The following PEX6 variants were observed in gnomAD, a reference collection of about 807,000 sequenced individuals.
PEX6 encodes peroxisome biogenesis factor 6.
Under a neutral mutation model 85.6 loss-of-function variants are expected in PEX6, and 55 were observed. That is an observed-to-expected ratio of 0.64 (90% CI 0.52 to 0.80). The LOEUF (loss-of-function observed/expected upper bound fraction) is 0.80, where lower values mean the gene tolerates loss of function less well. PEX6 is among the 30% of genes least tolerant of loss of function. PEX6 has a pLI of 0.00. For missense variants in PEX6, 1,099 were observed against 1,260.3 expected, an observed-to-expected ratio of 0.87 and a Z score of 1.94; for synonymous variants, 519 against 549.1, an observed-to-expected ratio of 0.95 and a Z score of 0.77.
chr6:42,973,999 A>G lies in PEX6; in HGVS notation c.1130+4T>C, dbSNP rs1402685126. The G allele has an allele frequency of 1.2e-6, 2 of 1,609,084 alleles. No homozygotes were observed. The highest frequency in any genetic ancestry group is 2.2e-5 in the South Asian group (2 of 91,006). On this transcript the variant is annotated splice_donor_region_variant and intron_variant, in intron 3 of 16. Transcript: ENST00000304611. ...CAGCTGTAGGACAGAAGGCAGCTGCATACCTGGGCAGTTTCTCTGGACTTC... is the reference window on the plus strand; with the variant it reads ...CAGCTGTAGGACAGAAGGCAGCTGCGTACCTGGGCAGTTTCTCTGGACTTC...
At chr6:42,975,636 T>C (rs1485583572) in intron 1 of PEX6, among the ~76,000 whole-genome samples, 3 of 152,180 alleles carry the variant, frequency 2.0e-5, no homozygotes, top group Non-Finnish European at 4.4e-5. Flanking sequence ...GCATGTGCTA[T>C]TGAGCACTTG....
intron 2 of PEX6, among the ~76,000 whole-genome samples, chr6:42,974,442 G>GTTT (rs71855084): frequency 3.4e-5 from 4 of 115,978 alleles, no homozygotes; most frequent in East Asian, 2.5e-4. Context: ...TGTCTGAAAT[G>GTTT]TTTTTTTTGT....
intron 2 of PEX6, among the ~76,000 whole-genome samples, chr6:42,974,466 T>G (rs1023977510): frequency 2.1e-4 from 29 of 140,072 alleles, no homozygotes; most frequent in South Asian, 1.7e-3. Flanking sequence ...TTTTTTTTTT[T>G]TTTTTTTTTG....
Position 42,964,987 on chromosome 6 carries a change from T to C in PEX6, c.2667-58A>G, listed in dbSNP as rs1250598129. 1 of 1,613,370 alleles carries C rather than the reference T, an allele frequency of 6.2e-7. No individual in the cohort carries two copies. Among genetic ancestry groups the C allele is most frequent in the African/African-American group, 1.3e-5 (1 of 74,930 alleles). ...CATCACCTCCTCCCTCGAAAGCCAG[T>C]GCTGACCAGCTCATCCTGCATGTTG... On this transcript the variant is annotated intron_variant, in intron 15 of 16. Coordinates refer to ENST00000304611, the MANE Select transcript of PEX6 (RefSeq NM_000287.4). This position sits in a 1 kb window ranked among gnomAD's most constrained non-coding sequence, Gnocchi z 4.6.
At chr6:42,968,572 A>T in intron 6 of PEX6, 74 bp from the exon 7 acceptor site, 1 of 1,343,162 alleles carries the variant, frequency 7.4e-7, no homozygotes, top group Non-Finnish European at 1.0e-6. Flanking sequence ...GGGGAGGAGG[A>T]GGTGGAAGAT....
Position 42,964,227 on chromosome 6 carries a change from G to A in PEX6, c.*108C>T, listed in dbSNP as rs1470954713. The A allele has an allele frequency of 1.5e-6, 2 of 1,379,096 alleles. No individual in the cohort carries two copies. The highest frequency in any genetic ancestry group is 2.0e-6 in the Non-Finnish European group (2 of 978,160). The allele number at this position is 1,379,096 out of a possible 1,614,324, so 85.4% of individuals were successfully genotyped here. A position where few individuals can be genotyped will look rare whatever the true frequency, so the allele number is the denominator to read the frequency against. The stretch of plus-strand genomic sequence containing the variant: ...ATCTCCTGGAGGGAGGTGGCCTCCA[G>A]GTGGGTTGGCAGCAGCCTGAGGAGG... On this transcript the variant is annotated 3_prime_UTR_variant, in exon 17 of 17. Transcript: ENST00000304611. The surrounding 1 kb of genome is among the most constrained non-coding windows in gnomAD (Gnocchi z 4.6).
chr6:42,963,928 A>AC lies in PEX6; in HGVS notation c.*406dup, dbSNP rs1337528389. On this transcript the variant is annotated 3_prime_UTR_variant, in exon 17 of 17. Transcript: ENST00000304611. ...GAAGGATCAGGCTCCCATGCTGCCC[A>AC]CCCCCCCACCCTCTCCCAGGGCTTA... 107 of 375,232 alleles carry AC rather than the reference A, an allele frequency of 2.9e-4. No individual in the cohort carries two copies. Among genetic ancestry groups the AC allele is most frequent in the African/African-American group, 4.1e-4 (12 of 29,278 alleles). 23.2% of individuals were successfully genotyped at this position (375,232 alleles called of 1,614,324 possible).
At position 42,964,874 on chromosome 6, in the gene PEX6, G is replaced by T; in HGVS notation, c.2722C>A (p.Gln908Lys). The T allele has an allele frequency of 6.2e-7, 1 of 1,614,146 alleles. No homozygotes were observed. The highest frequency in any genetic ancestry group is 8.5e-7 in the Non-Finnish European group (1 of 1,180,014). ...GAGTAGAGGTCCGCGCCCGTCAGCT[G>T]GGGAGGGCAGCAATCTAGCACGTTT... is the stretch of plus-strand genomic sequence containing the variant. ...LVNVLDCCPP[Q>K]LTGADLYSLC... The change falls in exon 16 of 17, where the codon CAG becomes AAG. Residue 908 changes from glutamine to lysine, a missense_variant. Physicochemically the swap from Gln to Lys is moderately conservative, Grantham distance 53 (BLOSUM62 1). Transcript: ENST00000304611. This position sits in a 1 kb window ranked among gnomAD's most constrained non-coding sequence, Gnocchi z 4.6.
intron 1 of PEX6, among the ~76,000 whole-genome samples, chr6:42,977,251 CTTTTTTTTTTT>C (rs1554128216): frequency 7.9e-6 from 1 of 126,678 alleles, no homozygotes; most frequent in African/African-American, 3.2e-5. Flanking sequence ...TGAAACCTCA[CTTTTTTTTTTT>C]TTTTTTTTTA....
intron 1 of PEX6, among the ~76,000 whole-genome samples, chr6:42,976,674 T>C (rs1480330217): frequency 6.6e-6 from 1 of 152,022 alleles, no homozygotes; most frequent in Non-Finnish European, 1.5e-5. Flanking sequence ...TTTTTTTTTT[T>C]ACACAATGAA....
In PEX6 at chr6:42,978,493, C is replaced by T. The variant is rs1171786418; in HGVS notation, c.658G>A (p.Gly220Ser). ...SCLRGLGLFQ[G>S]EWVWVAQARE... ...GCCTGGGCCACCCACACCCATTCGC[C>T]CTGGAAGAGGCCAAGGCCACGGAGA... Residue 220 changes from glycine to serine, a missense_variant, in exon 1 of 17, where the codon GGC (glycine) becomes AGC (serine). This residue lies in a region of PEX6 where 579 missense variants were observed against 611.6 expected (regional missense o/e 0.95). Coordinates refer to ENST00000304611, the MANE Select transcript of PEX6 (RefSeq NM_000287.4). 8.1e-6 allele frequency: 13 copies of T among 1,614,208 alleles called. No individual in the cohort carries two copies. The highest frequency in any genetic ancestry group is 1.1e-5 in the Non-Finnish European group (13 of 1,180,046).
chr6:42,966,198 C>T lies in PEX6; in HGVS notation c.2300+44G>A, dbSNP rs1031716463. The T allele has an allele frequency of 5.0e-6, 8 of 1,609,608 alleles. No homozygotes were observed. In the African/African-American group the frequency reaches 8.0e-5, roughly 16 times the overall value. ...GCCCCTCCTGCTCCCCAGCCTGCTG[C>T]AGCCCCTGATCCACCCACCATCCCT... On this transcript the variant is annotated intron_variant, in intron 11 of 16. Coordinates refer to ENST00000304611, the MANE Select transcript of PEX6 (RefSeq NM_000287.4).
In PEX6 at chr6:42,965,574, C is replaced by A. The variant is rs1414845520; in HGVS notation, c.2471+107G>T. On this transcript the variant is annotated intron_variant, in intron 13 of 16. Transcript: ENST00000304611. The surrounding 1 kb of genome is among the most constrained non-coding windows in gnomAD (Gnocchi z 5.0). ...CAGCTTCCATTATATTATCTCAGAA[C>A]TGAAACAGCAGGAACTTCTATCTCT... The A allele has an allele frequency of 4.2e-6, 4 of 957,344 alleles. No homozygotes were observed. Among genetic ancestry groups the A allele is most frequent in the Non-Finnish European group, 6.9e-6 (4 of 581,890 alleles). 59.3% of individuals were successfully genotyped at this position (957,344 alleles called of 1,614,324 possible).
rs187435179 is a variant in PEX6 at position 42,965,309 on chromosome 6, A to G, written c.2531T>C (p.Val844Ala). 399 of 1,614,208 alleles carry G rather than the reference A, an allele frequency of 2.5e-4. 2 individuals carry two copies. In the East Asian group the frequency reaches 8.1e-3, roughly 33 times the overall value. The change falls in exon 14 of 17, where the codon GTG (valine) becomes GCG (alanine). Residue 844 changes from valine (V) to alanine (A), a missense_variant. Physicochemically the swap from Val to Ala is moderately conservative, Grantham distance 64 (BLOSUM62 0). Transcript: ENST00000304611. This position sits in a 1 kb window ranked among gnomAD's most constrained non-coding sequence, Gnocchi z 5.0. ...ATCTGGTCTGTTGGTGGCTCCAATC[A>G]CAAACACATCCTGAGTGCTGTGCAG... ...DGLHSTQDVFVIGATNRPDLL... is the reference protein window; with the variant it reads ...DGLHSTQDVFAIGATNRPDLL...
intron 3 of PEX6, among the ~76,000 whole-genome samples, chr6:42,973,060 G>A (rs184305177): frequency 6.6e-6 from 1 of 152,228 alleles, no homozygotes; most frequent in East Asian, 1.9e-4. Flanking sequence ...CACCCAGGCT[G>A]GAGAGCAGTG....
rs2114242678 is a variant in PEX6, at chr6:42,967,487, G to A, written c.1765C>T (p.His589Tyr). Residue 589 changes from histidine to tyrosine, a missense_variant, in exon 8 of 17, where the codon CAT becomes TAT. By Grantham distance (83) the His-to-Tyr change is moderately conservative. Around this residue, in one of 3 missense-constraint regions of PEX6, gnomAD observed 514 missense variants for 627.0 expected, o/e 0.82. Transcript: ENST00000304611. ...LPADVQTAFP[H>Y]ELEVPALSEG... Reference sequence around the variant, plus strand: ...GACAGAGCAGGCACCTCGAGCTCATGAGGAAATGCTGTCTGCACATCAGCA... The same window carrying A: ...GACAGAGCAGGCACCTCGAGCTCATAAGGAAATGCTGTCTGCACATCAGCA... The A allele has an allele frequency of 6.2e-7, 1 of 1,610,808 alleles. No individual in the cohort carries two copies. The highest frequency in any genetic ancestry group is 1.1e-5 in the South Asian group (1 of 90,188).
chr6:42,975,181 A>G (rs774792152), intron 1 of PEX6, 143 bp from the exon 2 acceptor site: 48 of 738,074 alleles, frequency 6.5e-5, no homozygotes, highest in Non-Finnish European at 1.1e-4. Flanking sequence ...GAGGTAGCAG[A>G]CCTGAAAACC....
intron 3 of PEX6, 119 bp from the exon 4 acceptor site, chr6:42,970,106 A>T: frequency 1.3e-6 from 1 of 791,986 alleles, no homozygotes; most frequent in Non-Finnish European, 2.2e-6. Context: ...GTCCCGAGTC[A>T]TGGTGGGGAA....
At chr6:42,966,178 T>C (rs957887542) in intron 11 of PEX6, 64 bp downstream of exon 11, 1 of 1,607,864 alleles carries the variant, frequency 6.2e-7, no homozygotes, top group Non-Finnish European at 8.5e-7. Flanking sequence ...GGGCAGCCCC[T>C]CCTGCTCCCC....
Sources: gnomAD v4.1 joint callset for allele counts (sites outside exome capture counted in the v4.1 genomes callset) on GRCh38, gnomAD v4.1.1 for gene constraint, gnomAD v4.1.1 regional missense constraint, Gnocchi (gnomAD v3.1) non-coding constraint, MANE v1.5 for transcripts, NCBI Gene and HGNC (gene_info 2026-07-23, HGNC 2026-07-21) for gene names.